CAMTA1: variants seen among roughly 807,000 people sequenced by gnomAD.
CAMTA1 encodes calmodulin binding transcription activator 1, also known as calmodulin-binding transcription activator 1.
CAMTA1 carries 27 observed loss-of-function variants against 170.9 expected under a neutral mutation model. The observed-to-expected ratio is 0.16, with a 90% CI of 0.12 to 0.22. CAMTA1 has a LOEUF of 0.22. Ranked by LOEUF, CAMTA1 falls within the 10% of genes least tolerant of loss-of-function variation. The pLI, the probability that CAMTA1 is intolerant of heterozygous loss-of-function variation, is 1.00. For synonymous variants in CAMTA1, 833 were observed against 891.5 expected (o/e 0.93, Z 1.17); for missense variants, 1,619 against 2,217.2 (o/e 0.73, Z 5.42).
At chr1:7,020,459 C>T (rs987493480) in intron 3 of CAMTA1, among the ~76,000 whole-genome samples, 5 of 152,208 alleles carry the variant, frequency 3.3e-5, no homozygotes, top group Non-Finnish European at 7.3e-5. Flanking sequence ...TGTAAGTATG[C>T]ACTTTGTGTA....
chr1:7,209,070 G>A (rs771530013), intron 4 of CAMTA1, among the ~76,000 whole-genome samples: 1 of 151,030 alleles, frequency 6.6e-6, no homozygotes, highest in Admixed American at 6.6e-5. Flanking sequence ...CTATGTGATT[G>A]TTGTTTGAAT....
intron 1 of CAMTA1, among the ~76,000 whole-genome samples, chr1:6,794,615 T>C (rs1017736986): frequency 1.3e-5 from 2 of 152,234 alleles, no homozygotes; most frequent in African/African-American, 4.8e-5. Context: ...TGAGGGTCAC[T>C]GTTATTTTCT....
chr1:6,833,800 T>G (rs1168985494), intron 3 of CAMTA1, among the ~76,000 whole-genome samples: 8 of 152,212 alleles, frequency 5.3e-5, no homozygotes. Context: ...CATACTCGGT[T>G]CAGGTGTTAC....
intron 6 of CAMTA1, among the ~76,000 whole-genome samples, chr1:7,503,885 G>A (rs1366786030): frequency 6.6e-6 from 1 of 152,190 alleles, no homozygotes. Flanking sequence ...CCGCTGCCCC[G>A]CACTTGTGTC....
intron 4 of CAMTA1, among the ~76,000 whole-genome samples, chr1:7,177,354 A>G (rs1460104681): frequency 6.7e-6 from 1 of 148,356 alleles, no homozygotes; most frequent in Non-Finnish European, 1.5e-5. Flanking sequence ...TCAGCACATC[A>G]AAGCCCTGTC....
intron 5 of CAMTA1, among the ~76,000 whole-genome samples, chr1:7,447,629 G>T (rs2092712882): frequency 6.6e-6 from 1 of 152,152 alleles, no homozygotes. Context: ...TCAGGACTCA[G>T]TGGAACGGCA....
At chr1:7,584,547 T>C (rs1439278013) in intron 6 of CAMTA1, among the ~76,000 whole-genome samples, 1 of 152,192 alleles carries the variant, frequency 6.6e-6, no homozygotes, top group Non-Finnish European at 1.5e-5. Flanking sequence ...ACTAAAGTTT[T>C]AGTCAAAGGA....
At chr1:7,557,294 C>T (rs537741850) in intron 6 of CAMTA1, among the ~76,000 whole-genome samples, 1 of 146,622 alleles carries the variant, frequency 6.8e-6, no homozygotes, top group Non-Finnish European at 1.5e-5. Context: ...GGCGACAGAA[C>T]AAGACTCCGT....
At chr1:6,953,861 T>G (rs1243290619) in intron 3 of CAMTA1, among the ~76,000 whole-genome samples, 2 of 152,056 alleles carry the variant, frequency 1.3e-5, no homozygotes, top group Admixed American at 1.3e-4. Flanking sequence ...GGGGTGGAAG[T>G]CCGTGAAACG....
At chr1:7,676,665 T>C (rs1368937827) in intron 10 of CAMTA1, among the ~76,000 whole-genome samples, 2 of 152,176 alleles carry the variant, frequency 1.3e-5, no homozygotes, top group Non-Finnish European at 2.9e-5. Flanking sequence ...GGTATCAGTA[T>C]CTGGTATTCC....
intron 1 of CAMTA1, among the ~76,000 whole-genome samples, chr1:6,813,393 ATAAT>A (rs1033323799): frequency 1.8e-4 from 28 of 151,714 alleles, no homozygotes; most frequent in African/African-American, 5.8e-4. Flanking sequence ...TACTAATTAA[ATAAT>A]TAATTGTGCT....
intron 5 of CAMTA1, among the ~76,000 whole-genome samples, chr1:7,303,456 C>T (rs1012322846): frequency 7.2e-5 from 11 of 152,150 alleles, no homozygotes; most frequent in African/African-American, 2.2e-4. Flanking sequence ...CTCTATGTCT[C>T]GTTTTTAGCC....
intron 5 of CAMTA1, among the ~76,000 whole-genome samples, chr1:7,353,800 G>A (rs1416928294): frequency 6.6e-6 from 1 of 152,056 alleles, no homozygotes; most frequent in South Asian, 2.1e-4. Flanking sequence ...GTGCAGGTTT[G>A]TTACATGGGT....
Position 7,144,452 on chromosome 1 carries a change from T to C in CAMTA1, c.302+53081T>C, listed in dbSNP as rs1646067112. Among the ~76,000 whole-genome samples, 1 of 152,128 alleles carries C rather than the reference T, an allele frequency of 6.6e-6. No homozygotes were observed. The highest frequency in any genetic ancestry group is 1.5e-5 in the Non-Finnish European group (1 of 68,028). ...ACAGTCACACTGAGGCCACTGAGGG[T>C]AAGGGCCTGAACATATGAATTTTGG... On this transcript the variant is annotated intron_variant, in intron 4 of 22. Transcript: ENST00000303635. This position sits in a 1 kb window ranked among gnomAD's most constrained non-coding sequence, Gnocchi z 4.0.
chr1:7,255,757 C>T (rs902753173), intron 5 of CAMTA1, among the ~76,000 whole-genome samples: 1 of 152,238 alleles, frequency 6.6e-6, no homozygotes, highest in South Asian at 2.1e-4. Flanking sequence ...CACGACCTTG[C>T]TCTGGGAAGT....
intron 5 of CAMTA1, among the ~76,000 whole-genome samples, chr1:7,364,080 A>G (rs1451790036): frequency 5.9e-5 from 9 of 151,944 alleles, no homozygotes; most frequent in Admixed American, 5.9e-4. Context: ...TTTTCACTTG[A>G]CTCCTGAAAC....
chr1:7,745,533 A>G (rs567291986), intron 17 of CAMTA1, among the ~76,000 whole-genome samples: 33 of 152,324 alleles, frequency 2.2e-4, no homozygotes, highest in African/African-American at 7.5e-4. Flanking sequence ...CTCAAAAAAA[A>G]GAAAAAAAAG....
chr1:6,896,648 TC>T (rs970441269), intron 3 of CAMTA1, among the ~76,000 whole-genome samples: 4 of 152,170 alleles, frequency 2.6e-5, no homozygotes, highest in African/African-American at 7.2e-5. Flanking sequence ...CAGTTGTGAT[TC>T]CTTCCCTAAA....
At chr1:7,283,985 C>G (rs1181101420) in intron 5 of CAMTA1, among the ~76,000 whole-genome samples, 2 of 152,062 alleles carry the variant, frequency 1.3e-5, no homozygotes. Flanking sequence ...AAGTTGAGTC[C>G]CAGTTCCTCT....
Sources: allele counts gnomAD v4.1 joint callset (sites outside exome capture counted in the v4.1 genomes callset), GRCh38; gene constraint gnomAD v4.1.1; non-coding constraint Gnocchi (gnomAD v3.1); transcripts MANE v1.5; gene names NCBI Gene and HGNC (gene_info 2026-07-23, HGNC 2026-07-21).